The following CNTNAP5 variants were observed in gnomAD, a reference collection of about 807,000 sequenced individuals.
The protein encoded by CNTNAP5 is contactin-associated protein-like 5.
In CNTNAP5, 72 loss-of-function variants were observed where a neutral mutation model predicts 150.2. The ratio of observed to expected loss-of-function variants is 0.48; its 90% CI spans 0.40 to 0.58. CNTNAP5 has a LOEUF of 0.58. Among genes scored for constraint, CNTNAP5 ranks in the 20% least tolerant of loss-of-function variants. CNTNAP5 has a pLI of 0.00. For synonymous variants in CNTNAP5, 672 were observed against 619.8 expected (o/e 1.08, Z -1.25); for missense variants, 1,636 against 1,626.2 (o/e 1.01, Z -0.10).
At chr2:124,761,170 T>A (rs1396066523) in intron 14 of CNTNAP5, among the ~76,000 whole-genome samples, 1 of 152,106 alleles carries the variant, frequency 6.6e-6, no homozygotes, top group African/African-American at 2.4e-5. Flanking sequence ...ACCACCATCA[T>A]TTGCATCATT....
intron 3 of CNTNAP5, among the ~76,000 whole-genome samples, chr2:124,401,781 A>C (rs1025183155): frequency 3.3e-5 from 5 of 152,214 alleles, no homozygotes; most frequent in Non-Finnish European, 7.3e-5. Flanking sequence ...TAGAAGTAAT[A>C]ACTTTCATGG....
At chr2:124,598,583 A>G (rs1696890511) in intron 11 of CNTNAP5, among the ~76,000 whole-genome samples, 3 of 150,252 alleles carry the variant, frequency 2.0e-5, no homozygotes, top group African/African-American at 7.4e-5. Flanking sequence ...TGCAGAGGTT[A>G]CTGCTGTCTT....
At chr2:124,723,168 A>G (rs1680081965) in intron 13 of CNTNAP5, among the ~76,000 whole-genome samples, 1 of 152,166 alleles carries the variant, frequency 6.6e-6, no homozygotes, top group African/African-American at 2.4e-5. Flanking sequence ...TCTTCCAATG[A>G]CATTTTTCTA....
At chr2:124,049,769 T>G (rs1379505620) in intron 1 of CNTNAP5, among the ~76,000 whole-genome samples, 1 of 152,196 alleles carries the variant, frequency 6.6e-6, no homozygotes, top group Non-Finnish European at 1.5e-5. Context: ...CCTAGGTGAT[T>G]TATATACAAC....
At chr2:124,499,076 A>T (rs568865047) in intron 7 of CNTNAP5, among the ~76,000 whole-genome samples, 1 of 152,202 alleles carries the variant, frequency 6.6e-6, no homozygotes, top group East Asian at 1.9e-4. Context: ...ACGTGGTCTC[A>T]TGTGGTCTTA....
intron 3 of CNTNAP5, among the ~76,000 whole-genome samples, chr2:124,300,480 A>T (rs186078571): frequency 1.3e-5 from 2 of 152,304 alleles, no homozygotes; most frequent in East Asian, 3.9e-4. Flanking sequence ...AGAGGAGTGT[A>T]GTTCTAGGCA....
intron 8 of CNTNAP5, among the ~76,000 whole-genome samples, chr2:124,509,646 C>T (rs925981629): frequency 6.6e-6 from 1 of 152,190 alleles, no homozygotes; most frequent in Non-Finnish European, 1.5e-5. Context: ...CCTTAGAATT[C>T]TCAAGTTCAT....
At chr2:124,461,100 AT>A (rs1693237757) in intron 6 of CNTNAP5, among the ~76,000 whole-genome samples, 1 of 152,050 alleles carries the variant, frequency 6.6e-6, no homozygotes, top group South Asian at 2.1e-4. Flanking sequence ...TAGTTCAACC[AT>A]TGTGGAAGTC....
intron 19 of CNTNAP5, among the ~76,000 whole-genome samples, chr2:124,804,802 G>A (rs2104649650): frequency 6.6e-6 from 1 of 152,280 alleles, no homozygotes; most frequent in Admixed American, 6.5e-5. Context: ...AGCCAACTGA[G>A]CCAACTTTGC....
At chr2:124,117,833 C>G (rs748980895) in intron 1 of CNTNAP5, among the ~76,000 whole-genome samples, 34 of 152,156 alleles carry the variant, frequency 2.2e-4, no homozygotes, top group Admixed American at 8.5e-4. Flanking sequence ...CTCAGAGTTT[C>G]TGATTTAGTC....
intron 3 of CNTNAP5, among the ~76,000 whole-genome samples, chr2:124,349,874 C>CCTTTTTT (rs1689830844): frequency 1.2e-5 from 1 of 81,840 alleles, no homozygotes; most frequent in Non-Finnish European, 2.2e-5. Context: ...CTGGCTATTT[C>CCTTTTTT]TTTTTTTTTT....
intron 2 of CNTNAP5, among the ~76,000 whole-genome samples, chr2:124,231,660 G>T (rs945861472): frequency 1.3e-5 from 2 of 152,084 alleles, no homozygotes. Context: ...ATACTGTGTG[G>T]CCTAATATGC....
In CNTNAP5 at chr2:124,915,647, A is replaced by G. The variant is rs1004006836; in HGVS notation, c.*1359A>G. On this transcript the variant is annotated 3_prime_UTR_variant, in exon 24 of 24. Transcript: ENST00000682447. ...TAAAGACCCTTCCAAACATCTTTTT[A>G]TAGGCTTAAACTCCCAAAAGAGGTG... is the stretch of plus-strand genomic sequence containing the variant. Among the ~76,000 whole-genome samples, 9 of 152,036 alleles carry G rather than the reference A, an allele frequency of 5.9e-5. No homozygotes were observed. The highest frequency in any genetic ancestry group is 2.0e-4 in the Admixed American group (3 of 15,260).
chr2:124,763,569 T>TGCAGATTTG, intron 14 of CNTNAP5, 103 bp from the exon 15 acceptor site: 1 of 1,107,584 alleles, frequency 9.0e-7, no homozygotes, highest in Non-Finnish European at 1.3e-6. Flanking sequence ...GCCCCTACCC[T>TGCAGATTTG]GCTGCAACTG....
chr2:124,634,224 A>T (rs917123963), intron 12 of CNTNAP5, among the ~76,000 whole-genome samples: 2 of 152,186 alleles, frequency 1.3e-5, no homozygotes, highest in African/African-American at 4.8e-5. Context: ...TTCCTTTTAA[A>T]TATAAGTTCT....
chr2:124,378,012 T>C (rs13384799), intron 3 of CNTNAP5, among the ~76,000 whole-genome samples: 38,773 of 151,956 alleles, frequency 0.26, 5,248 homozygotes, highest in Non-Finnish European at 0.28. Context: ...TCTGGGAATG[T>C]TGTTTAAGAA....
intron 3 of CNTNAP5, among the ~76,000 whole-genome samples, chr2:124,291,654 C>T (rs1688297144): frequency 6.6e-6 from 1 of 152,010 alleles, no homozygotes; most frequent in South Asian, 2.1e-4. Context: ...AACACTGACA[C>T]ACTGCTTTGT....
chr2:124,897,480 G>A (rs931857522), intron 21 of CNTNAP5, among the ~76,000 whole-genome samples: 1 of 151,462 alleles, frequency 6.6e-6, no homozygotes, highest in Non-Finnish European at 1.5e-5. Flanking sequence ...TGCAGAGCAG[G>A]TACAGAAGTT....
intron 20 of CNTNAP5, among the ~76,000 whole-genome samples, chr2:124,867,125 T>C (rs1202430433): frequency 6.6e-6 from 1 of 152,090 alleles, no homozygotes; most frequent in Non-Finnish European, 1.5e-5. Context: ...TCCCTCCCTT[T>C]CATCATTTAT....
Sources: allele counts gnomAD v4.1 joint callset (sites outside exome capture counted in the v4.1 genomes callset), GRCh38; gene constraint gnomAD v4.1.1; transcripts MANE v1.5; gene names NCBI Gene and HGNC (gene_info 2026-07-23, HGNC 2026-07-21).